NTRK2: variants seen among roughly 807,000 people sequenced by gnomAD.
The protein encoded by NTRK2 is neurotrophic receptor tyrosine kinase 2.
A neutral mutation model predicts 94.5 loss-of-function variants in NTRK2; 13 were observed. The observed-to-expected ratio is 0.14, with a 90% CI of 0.09 to 0.22. The LOEUF (loss-of-function observed/expected upper bound fraction) is 0.22. Ranked by LOEUF, NTRK2 falls within the 10% of genes least tolerant of loss-of-function variation. The pLI is 1.00. For missense variants in NTRK2, 639 were observed against 1,071.2 expected (o/e 0.60, Z 5.63); for synonymous variants, 372 against 407.4 (o/e 0.91, Z 1.05).
At chr9:84,888,930 T>C (rs2076504476) in intron 14 of NTRK2, among the ~76,000 whole-genome samples, 2 of 151,374 alleles carry the variant, frequency 1.3e-5, no homozygotes, top group Admixed American at 1.3e-4. Context: ...GCCTTCATTT[T>C]TGGCTAATTG....
intron 12 of NTRK2, among the ~76,000 whole-genome samples, chr9:84,859,622 G>A (rs1324798087): frequency 6.6e-6 from 1 of 152,028 alleles, no homozygotes; most frequent in Non-Finnish European, 1.5e-5. Flanking sequence ...TCTAAAATGG[G>A]AATGTAACAT....
chr9:84,988,787 C>T (rs1828684453), intron 17 of NTRK2, among the ~76,000 whole-genome samples: 1 of 152,212 alleles, frequency 6.6e-6, no homozygotes, highest in Non-Finnish European at 1.5e-5. Flanking sequence ...CCCACAAAGT[C>T]AGCCAGCGCT....
At chr9:84,983,744 A>C (rs554503136) in intron 17 of NTRK2, among the ~76,000 whole-genome samples, 1 of 152,162 alleles carries the variant, frequency 6.6e-6, no homozygotes, top group Non-Finnish European at 1.5e-5. Context: ...CTCCGCCCCC[A>C]CACACAAATT....
At chr9:84,726,579 C>A (rs186279903) in intron 8 of NTRK2, among the ~76,000 whole-genome samples, 1 of 152,294 alleles carries the variant, frequency 6.6e-6, no homozygotes, top group Non-Finnish European at 1.5e-5. Context: ...GGCTACAATA[C>A]CTTAGATTTT....
At chr9:84,873,676 G>A (rs1184682820) in intron 14 of NTRK2, 5 of 1,055,388 alleles carry the variant, frequency 4.7e-6, no homozygotes, top group Admixed American at 1.1e-4. Context: ...GTTATTATAA[G>A]CCGCACTGAG....
intron 12 of NTRK2, among the ~76,000 whole-genome samples, chr9:84,830,937 C>T (rs552832392): frequency 4.3e-4 from 66 of 152,248 alleles, no homozygotes; most frequent in Admixed American, 2.7e-3. Context: ...GTGCTTGAAT[C>T]ATATTGTATA....
At chr9:84,701,564 G>A (rs1401263690) in intron 2 of NTRK2, among the ~76,000 whole-genome samples, 3 of 152,130 alleles carry the variant, frequency 2.0e-5, no homozygotes, top group Admixed American at 2.0e-4. Context: ...CGGAGAATGC[G>A]CTAAGGCCAT....
chr9:84,876,514 C>T, intron 14 of NTRK2: 1 of 1,055,704 alleles, frequency 9.5e-7, no homozygotes. Flanking sequence ...AACTGCTTTA[C>T]CCAGGATCAG....
At chr9:85,008,159 A>C (rs1273777595) in intron 17 of NTRK2, among the ~76,000 whole-genome samples, 1 of 151,950 alleles carries the variant, frequency 6.6e-6, no homozygotes, top group African/African-American at 2.4e-5. Flanking sequence ...AACTGACAGC[A>C]TCACTAGATT....
intron 12 of NTRK2, among the ~76,000 whole-genome samples, chr9:84,825,290 C>T (rs921181228): frequency 2.0e-5 from 3 of 152,110 alleles, no homozygotes; most frequent in African/African-American, 7.2e-5. Flanking sequence ...CCCCCTGAGC[C>T]CCACATTATC....
chr9:84,821,064 G>A (rs1208976257), intron 12 of NTRK2, among the ~76,000 whole-genome samples: 1 of 152,042 alleles, frequency 6.6e-6, no homozygotes, highest in Non-Finnish European at 1.5e-5. Context: ...TTGACTTGGT[G>A]TAAATGCATG....
At chr9:84,892,922 CA>C (rs58211840) in intron 14 of NTRK2, among the ~76,000 whole-genome samples, 299 of 144,748 alleles carry the variant, frequency 2.1e-3, no homozygotes, top group African/African-American at 3.9e-3. Context: ...AACTCCATCT[CA>C]AAAAAAAAAA....
chr9:85,004,355 A>T (rs1194852243), intron 17 of NTRK2, among the ~76,000 whole-genome samples: 2 of 152,242 alleles, frequency 1.3e-5, no homozygotes, highest in Non-Finnish European at 1.5e-5. Flanking sequence ...TCTTGGGAGT[A>T]TTCTTGTCTT....
At chr9:84,931,335 A>G (rs2078018296) in intron 14 of NTRK2, among the ~76,000 whole-genome samples, 1 of 151,486 alleles carries the variant, frequency 6.6e-6, no homozygotes, top group Admixed American at 6.6e-5. Context: ...TGAACCTGGG[A>G]GGCGGAGGTT....
At chr9:84,783,475 A>G (rs1264097631) in intron 12 of NTRK2, among the ~76,000 whole-genome samples, 1 of 152,164 alleles carries the variant, frequency 6.6e-6, no homozygotes, top group East Asian at 1.9e-4. Flanking sequence ...ATTCACTTTC[A>G]GATATGTGTC....
chr9:85,004,256 T>G (rs543616549), intron 17 of NTRK2, among the ~76,000 whole-genome samples: 18 of 152,146 alleles, frequency 1.2e-4, no homozygotes, highest in Middle Eastern at 3.4e-3. Flanking sequence ...AGTCTGATGT[T>G]CTTAAGTTGA....
chr9:84,719,466 CATT>C (rs1169790145), intron 6 of NTRK2, among the ~76,000 whole-genome samples: 1 of 151,982 alleles, frequency 6.6e-6, no homozygotes, highest in Admixed American at 6.6e-5. Context: ...GAAAAATTAA[CATT>C]ATGACATAAC....
chr9:84,794,243 G>C (rs535770422), intron 12 of NTRK2, among the ~76,000 whole-genome samples: 2 of 152,294 alleles, frequency 1.3e-5, no homozygotes, highest in Admixed American at 6.5e-5. Flanking sequence ...AAATTACAAG[G>C]AGATTAGGAA....
At chr9:84,736,973 C>T (rs1273248660) in intron 9 of NTRK2, among the ~76,000 whole-genome samples, 3 of 152,162 alleles carry the variant, frequency 2.0e-5, no homozygotes, top group Admixed American at 6.5e-5. Context: ...AAAATACTGT[C>T]GGCAAAGCAA....
Sources: gnomAD v4.1 joint callset for allele counts (sites outside exome capture counted in the v4.1 genomes callset) on GRCh38, gnomAD v4.1.1 for gene constraint, MANE v1.5 for transcripts, NCBI Gene and HGNC (gene_info 2026-07-23, HGNC 2026-07-21) for gene names.